AKAP13: variants seen among roughly 807,000 people sequenced by gnomAD.
The protein encoded by AKAP13 is A-kinase anchor protein 13.
A neutral mutation model predicts 264.5 loss-of-function variants in AKAP13; 80 were observed. The ratio of observed to expected loss-of-function variants is 0.30; its 90% CI spans 0.25 to 0.36. AKAP13 has a LOEUF of 0.36. AKAP13 is among the 10% of genes least tolerant of loss of function. AKAP13 has a pLI of 1.00. For missense variants in AKAP13, 3,712 were observed against 3,435.2 expected (o/e 1.08, Z -2.01); for synonymous variants, 1,380 against 1,250.2 (o/e 1.10, Z -2.19).
intron 6 of AKAP13, among the ~76,000 whole-genome samples, chr15:85,578,614 G>A (rs1471435788): frequency 6.6e-6 from 1 of 152,096 alleles, no homozygotes; most frequent in Non-Finnish European, 1.5e-5. Context: ...AAAGTGCTGG[G>A]ATTACAGGCA....
Position 85,729,007 on chromosome 15 carries a change from A to G in AKAP13, c.7088-1506A>G, listed in dbSNP as rs1220729906. Among the ~76,000 whole-genome samples, 8 of 152,164 alleles carry G rather than the reference A, an allele frequency of 5.3e-5. 1 individual carries two copies. The highest frequency in any genetic ancestry group is 5.2e-4 in the Admixed American group (8 of 15,280). On this transcript the variant is annotated intron_variant, in intron 29 of 36. Coordinates refer to ENST00000394518, the MANE Select transcript of AKAP13 (RefSeq NM_007200.5). ...AGATGTAAGAAATAAGGTCATTAAAATCTGATCAGTTGGCCAGGCTCGGTG... is the reference window on the plus strand; with the variant it reads ...AGATGTAAGAAATAAGGTCATTAAAGTCTGATCAGTTGGCCAGGCTCGGTG...
intron 1 of AKAP13, among the ~76,000 whole-genome samples, chr15:85,416,248 C>G (rs184306593): frequency 3.0e-4 from 45 of 152,244 alleles, no homozygotes; most frequent in African/African-American, 9.6e-4. Flanking sequence ...AGCACTGTGC[C>G]AGGTTCTTGG....
intron 10 of AKAP13, among the ~76,000 whole-genome samples, chr15:85,648,498 G>A (rs932766202): frequency 6.6e-6 from 1 of 151,944 alleles, no homozygotes; most frequent in Non-Finnish European, 1.5e-5. Flanking sequence ...TCATATAAAT[G>A]GCCTGTGCTA....
chr15:85,572,347 A>G (rs972619371), intron 5 of AKAP13, among the ~76,000 whole-genome samples: 1 of 152,214 alleles, frequency 6.6e-6, no homozygotes, highest in Admixed American at 6.5e-5. Flanking sequence ...GACTATGTCA[A>G]TGTAGGCTTG....
intron 36 of AKAP13, 122 bp from the exon 37 acceptor site, chr15:85,744,506 G>C (rs2089305614): frequency 1.9e-6 from 2 of 1,043,256 alleles, no homozygotes; most frequent in Non-Finnish European, 3.0e-6. Flanking sequence ...GCGCAGAAGA[G>C]TTAATTGCCC....
At position 85,748,291 on chromosome 15, in the gene AKAP13, A is replaced by T. The variant is rs2089427181; in HGVS notation, c.*3614A>T. ...AGTGGTCACAAAGAGGGTGGCTGTG[A>T]GGTGACCCCAGACACTGCAGAACGA... On this transcript the variant is annotated 3_prime_UTR_variant, in exon 37 of 37. Coordinates refer to ENST00000394518, the MANE Select transcript of AKAP13 (RefSeq NM_007200.5). The T allele has an allele frequency of 6.6e-6, 1 of 152,232 alleles. No individual in the cohort carries two copies. Among genetic ancestry groups the T allele is most frequent in the Admixed American group, 6.5e-5 (1 of 15,280 alleles). The allele number at this position is 152,232 out of a possible 1,614,324, so 9.4% of individuals were successfully genotyped here. A position where few individuals can be genotyped will look rare whatever the true frequency, so the allele number is the denominator to read the frequency against.
chr15:85,570,749 G>A lies in AKAP13; in HGVS notation c.663-4382G>A, dbSNP rs894123886. On this transcript the variant is annotated intron_variant, in intron 5 of 36. Coordinates refer to ENST00000394518, the MANE Select transcript of AKAP13 (RefSeq NM_007200.5). ...TGTCCCCTGGGGGCCATATTCCTTG[G>A]GTGAGAACTGATCGACAGGGTTGAA... Among the ~76,000 whole-genome samples, 11 of 152,100 alleles carry A rather than the reference G, an allele frequency of 7.2e-5. No homozygotes were observed. In the East Asian group the frequency reaches 9.6e-4, roughly 13 times the overall value.
intron 9 of AKAP13, among the ~76,000 whole-genome samples, chr15:85,644,618 G>C (rs73454414): frequency 0.63 from 92,697 of 147,254 alleles, 29,267 homozygotes; most frequent in Middle Eastern, 0.71. Context: ...GGGAGGCTGA[G>C]GCAGGTGGAT....
chr15:85,504,550 G>A (rs1199087429), intron 2 of AKAP13, among the ~76,000 whole-genome samples: 1 of 128,702 alleles, frequency 7.8e-6, no homozygotes, highest in African/African-American at 3.2e-5. Context: ...AAATTAGCCA[G>A]GCATGGTGGC....
Position 85,561,961 on chromosome 15 carries a change from A to G in AKAP13, c.663-13170A>G, listed in dbSNP as rs554148756. Among the ~76,000 whole-genome samples the G allele has an allele frequency of 3.3e-5, 5 of 152,328 alleles. No homozygotes were observed. In the South Asian group the frequency reaches 6.2e-4, roughly 19 times the overall value. On this transcript the variant is annotated intron_variant, in intron 5 of 36. Coordinates refer to ENST00000394518, the MANE Select transcript of AKAP13 (RefSeq NM_007200.5). ...CTGCATTCTCTGCTACAAAATAGGCAGCAGAGGTAGGTTTGTGTTTTGGTT... is the reference window on the plus strand; with the variant it reads ...CTGCATTCTCTGCTACAAAATAGGCGGCAGAGGTAGGTTTGTGTTTTGGTT...
intron 1 of AKAP13, among the ~76,000 whole-genome samples, chr15:85,478,472 A>G (rs1204841546): frequency 6.6e-6 from 1 of 152,066 alleles, no homozygotes; most frequent in Non-Finnish European, 1.5e-5. Flanking sequence ...TTTTTCCATG[A>G]TAATTACATT....
intron 1 of AKAP13, among the ~76,000 whole-genome samples, chr15:85,387,343 C>CA (rs1185989518): frequency 6.6e-6 from 1 of 151,566 alleles, no homozygotes; most frequent in Non-Finnish European, 1.5e-5. Flanking sequence ...CTTAAAAAAA[C>CA]AAAAAAAGAT....
chr15:85,543,554 C>G (rs1480493868), intron 4 of AKAP13, among the ~76,000 whole-genome samples: 1 of 152,102 alleles, frequency 6.6e-6, no homozygotes, highest in Non-Finnish European at 1.5e-5. Context: ...GAAGATTTTG[C>G]TTCCTATACT....
Position 85,746,637 on chromosome 15 carries a change from C to T in AKAP13, c.*1960C>T, listed in dbSNP as rs1265739066. The T allele has an allele frequency of 6.6e-6, 1 of 152,112 alleles. No homozygotes were observed. Among genetic ancestry groups the T allele is most frequent in the Non-Finnish European group, 1.5e-5 (1 of 68,024 alleles). The allele number at this position is 152,112 out of a possible 1,614,324, so 9.4% of individuals were successfully genotyped here. On this transcript the variant is annotated 3_prime_UTR_variant, in exon 37 of 37. Coordinates refer to ENST00000394518, the MANE Select transcript of AKAP13 (RefSeq NM_007200.5). ...GCTGATTTTTCTATTGAAAATATGT[C>T]CCCTTGCAAAGACCCTAAACAAAAA... is the stretch of plus-strand genomic sequence containing the variant.
chr15:85,738,209 C>A (rs1482720622), intron 33 of AKAP13, among the ~76,000 whole-genome samples: 1 of 151,660 alleles, frequency 6.6e-6, no homozygotes, highest in Non-Finnish European at 1.5e-5. Context: ...ACCAGCCTGG[C>A]TAACATGGTG....
At chr15:85,507,668 G>A (rs564666437) in intron 2 of AKAP13, among the ~76,000 whole-genome samples, 2 of 152,338 alleles carry the variant, frequency 1.3e-5, no homozygotes, top group Non-Finnish European at 2.9e-5. Context: ...CAATTTGGAT[G>A]TCACCAACAC....
chr15:85,535,401 T>C (rs892093588), intron 4 of AKAP13: 2 of 152,190 alleles, frequency 1.3e-5, no homozygotes, highest in African/African-American at 4.8e-5. Flanking sequence ...TGAAAGGAAG[T>C]ATCAAATCAA....
chr15:85,650,777 A>C (rs1567175426), intron 10 of AKAP13, among the ~76,000 whole-genome samples: 3 of 143,552 alleles, frequency 2.1e-5, no homozygotes, highest in Non-Finnish European at 3.0e-5. Flanking sequence ...AAAAAAAAAA[A>C]AAAAAAAAAA....
At chr15:85,645,701 G>C (rs2082525970) in intron 9 of AKAP13, 117 bp from the exon 10 acceptor site, 2 of 1,083,402 alleles carry the variant, frequency 1.8e-6, no homozygotes, top group Non-Finnish European at 2.6e-6. Flanking sequence ...GAAGAGAAAA[G>C]AGTGAGAGAG....
Sources: gnomAD v4.1 joint callset for allele counts (sites outside exome capture counted in the v4.1 genomes callset) on GRCh38, gnomAD v4.1.1 for gene constraint, MANE v1.5 for transcripts, NCBI Gene and HGNC (gene_info 2026-07-23, HGNC 2026-07-21) for gene names.